The following HOXB3 variants were observed in gnomAD, a reference collection of about 807,000 sequenced individuals.
The protein encoded by HOXB3 is homeobox B3.
HOXB3 carries 17 observed loss-of-function variants against 29.2 expected under a neutral mutation model. The observed-to-expected ratio is 0.58, with a 90% CI of 0.40 to 0.87. HOXB3 has a LOEUF of 0.87. HOXB3 is among the 40% of genes least tolerant of loss of function. The pLI is 0.00. For missense variants in HOXB3, 637 were observed against 616.3 expected, an observed-to-expected ratio of 1.03 and a Z score of -0.35; for synonymous variants, 317 against 285.9, an observed-to-expected ratio of 1.11 and a Z score of -1.10.
intron 1 of HOXB3, among the ~76,000 whole-genome samples, chr17:48,585,471 C>T (rs2070029410): frequency 1.3e-5 from 2 of 152,166 alleles, no homozygotes; most frequent in Admixed American, 6.5e-5. Flanking sequence ...GGGCCCGGGG[C>T]CACCTTGCGC....
chr17:48,558,441 C>T (rs966483209), intron 2 of HOXB3, among the ~76,000 whole-genome samples: 4 of 152,092 alleles, frequency 2.6e-5, no homozygotes, highest in Non-Finnish European at 5.9e-5. Context: ...CCCCCAAATG[C>T]GGTAGGAGAT....
intron 2 of HOXB3, among the ~76,000 whole-genome samples, chr17:48,566,606 A>G (rs2069397457): frequency 1.3e-5 from 2 of 152,166 alleles, no homozygotes; most frequent in Non-Finnish European, 2.9e-5. Flanking sequence ...CTGGCTCTCC[A>G]TGCTAGCTAT....
rs2144740084 is a variant in HOXB3 at position 48,552,030 on chromosome 17, T to A, written c.445A>T (p.Thr149Ser). The A allele has an allele frequency of 1.9e-6, 3 of 1,569,766 alleles. No individual in the cohort carries two copies. The highest frequency in any genetic ancestry group is 2.6e-6 in the Non-Finnish European group (3 of 1,153,750). The change falls in exon 4 of 5, where the codon ACA becomes TCA. Residue 149 changes from threonine (T) to serine (S), a missense_variant. By Grantham distance (58) the Thr-to-Ser change is moderately conservative. Coordinates refer to ENST00000498678, the MANE Select transcript of HOXB3 (RefSeq NM_001384749.1). ...AAGGAAGGCAGAGAACTGGTACCTG[T>A]GCCGGGGGAGTTGTTTTTCAGCTTG... ...TSKLKNNSPGTAEGCGGGGGG... is the reference protein window; with the variant it reads ...TSKLKNNSPGSAEGCGGGGGG...
chr17:48,550,282 C>T lies in HOXB3; in HGVS notation c.*52G>A, dbSNP rs941273345. ...GACCTCCAGGTTGCCCCCCAGAGCTCCACAGTCTCTCTCTTCCTCCCCATC... is the reference window on the plus strand; with the variant it reads ...GACCTCCAGGTTGCCCCCCAGAGCTTCACAGTCTCTCTCTTCCTCCCCATC... On this transcript the variant is annotated 3_prime_UTR_variant, in exon 5 of 5. Coordinates refer to ENST00000498678, the MANE Select transcript of HOXB3 (RefSeq NM_001384749.1). 1.4e-5 allele frequency: 22 copies of T among 1,609,826 alleles called. No individual in the cohort carries two copies. The South Asian group carries it at 1.4e-4, about 10-fold the overall frequency.
chr17:48,551,981 C>T (rs763059816), intron 4 of HOXB3, 46 bp downstream of exon 4: 71 of 1,510,834 alleles, frequency 4.7e-5, no homozygotes, highest in Non-Finnish European at 6.1e-5. Context: ...AGTGACATTC[C>T]TGGCTCCGAC....
At chr17:48,581,676 A>G (rs2069943148) in intron 1 of HOXB3, 1 of 152,058 alleles carries the variant, frequency 6.6e-6, no homozygotes, top group Admixed American at 6.6e-5. Context: ...CTGCTGCTCT[A>G]CACTTCACAA....
Position 48,550,797 on chromosome 17 carries a change from G to C in HOXB3, c.833C>G (p.Ala278Gly). ...GTAGCTGGGGGTCATGGAGTGTAAG[G>C]CGTTCATGAAGCCGGCCGTGGACTG... The part of the protein sequence containing the change: ...PMQSTAGFMN[A>G]LHSMTPSYES... The change falls in exon 5 of 5, where the codon GCC becomes GGC. Residue 278 changes from alanine (A) to glycine (G), a missense_variant. Coordinates refer to ENST00000498678, the MANE Select transcript of HOXB3 (RefSeq NM_001384749.1). 1 of 1,613,326 alleles carries C rather than the reference G, an allele frequency of 6.2e-7. No individual in the cohort carries two copies. The highest frequency in any genetic ancestry group is 1.1e-5 in the South Asian group (1 of 91,030).
intron 1 of HOXB3, chr17:48,580,836 G>A (rs2069918892): frequency 6.6e-6 from 1 of 152,126 alleles, no homozygotes; most frequent in Non-Finnish European, 1.5e-5. Context: ...GGTTGCTGGT[G>A]GTAGGGCCAA....
rs1201407124 is a variant in HOXB3 at position 48,555,578 on chromosome 17, A to G, written c.-206T>C. Reference sequence around the variant, plus strand: ...ACAGGCAGACATAATATATATTCACATCGAGCCCCAGAGCGAGCGGCAGGC... The same window carrying G: ...ACAGGCAGACATAATATATATTCACGTCGAGCCCCAGAGCGAGCGGCAGGC... On this transcript the variant is annotated 5_prime_UTR_variant, in exon 3 of 5. The change abolishes an upstream ATG in the 5' untranslated region. Coordinates refer to ENST00000498678, the MANE Select transcript of HOXB3 (RefSeq NM_001384749.1). 4.3e-6 allele frequency: 3 copies of G among 702,624 alleles called. No individual in the cohort carries two copies. Among genetic ancestry groups the G allele is most frequent in the Non-Finnish European group, 7.8e-6 (3 of 384,766 alleles). The allele number at this position is 702,624 out of a possible 1,614,324, so 43.5% of individuals were successfully genotyped here.
At chr17:48,583,161 G>A (rs2069983452) in intron 1 of HOXB3, among the ~76,000 whole-genome samples, 1 of 152,150 alleles carries the variant, frequency 6.6e-6, no homozygotes, top group Admixed American at 6.5e-5. Context: ...CAAGATTTTG[G>A]TCCACACAAC....
intron 1 of HOXB3, chr17:48,581,417 A>G (rs1356530283): frequency 6.6e-6 from 1 of 152,274 alleles, no homozygotes; most frequent in African/African-American, 2.4e-5. Flanking sequence ...CAGGGAGACT[A>G]GAGTCTGGCC....
intron 2 of HOXB3, chr17:48,556,577 C>T (rs2069005158): frequency 1.3e-5 from 2 of 149,976 alleles, no homozygotes; most frequent in Admixed American, 1.3e-4. Flanking sequence ...AAAAAACACC[C>T]CTCCCCCTTT....
At chr17:48,568,566 G>A (rs760247100) in intron 2 of HOXB3, among the ~76,000 whole-genome samples, 6 of 151,936 alleles carry the variant, frequency 3.9e-5, no homozygotes, top group Admixed American at 2.0e-4. Flanking sequence ...ATCATTTTCC[G>A]TGAAAAATGA....
rs576238449 is a variant in HOXB3 at position 48,550,476 on chromosome 17, T to A, written c.1154A>T (p.Asp385Val). 2 of 1,610,100 alleles carry A rather than the reference T, an allele frequency of 1.2e-6. No homozygotes were observed. Among genetic ancestry groups the A allele is most frequent in the Admixed American group, 3.4e-5 (2 of 59,194 alleles). The change falls in exon 5 of 5, where the codon GAC (aspartate) becomes GTC (valine). Residue 385 changes from aspartate (D) to valine (V), a missense_variant. Physicochemically the swap from Asp to Val is radical, Grantham distance 152. Coordinates refer to ENST00000498678, the MANE Select transcript of HOXB3 (RefSeq NM_001384749.1). ...CGCCATAGGGGGCGCCCCGTTGTAG[T>A]CCAGGTTCCCGGAAGGGTGATGGGA... is the stretch of plus-strand genomic sequence containing the variant. ...HLSHHPSGNL[D>V]YNGAPPMAPS...
intron 1 of HOXB3, chr17:48,577,104 T>TTCCC: frequency 7.3e-7 from 1 of 1,362,940 alleles, no homozygotes; most frequent in Non-Finnish European, 9.9e-7. Flanking sequence ...AACACAGCGT[T>TTCCC]TCCCTCCCTC....
chr17:48,556,183 C>T (rs1472730325), intron 2 of HOXB3, among the ~76,000 whole-genome samples: 31 of 149,772 alleles, frequency 2.1e-4, no homozygotes, highest in African/African-American at 6.9e-4. Flanking sequence ...AAATTTAAAT[C>T]TAGATTGGAG....
chr17:48,573,939 A>G lies in HOXB3; in HGVS notation c.-349T>C, dbSNP rs946595339. On this transcript the variant is annotated 5_prime_UTR_variant, in exon 2 of 5. Coordinates refer to ENST00000498678, the MANE Select transcript of HOXB3 (RefSeq NM_001384749.1). Reference sequence around the variant, plus strand: ...AAAAAGTTTTCAACTTTATGGTTCCAAATTTTTTCCCCCTTGCAGATCCGG... The same window carrying G: ...AAAAAGTTTTCAACTTTATGGTTCCGAATTTTTTCCCCCTTGCAGATCCGG... 16 of 696,522 alleles carry G rather than the reference A, an allele frequency of 2.3e-5. No homozygotes were observed. In the Middle Eastern group the frequency reaches 3.5e-3, roughly 150 times the overall value. The allele number at this position is 696,522 out of a possible 1,614,324, so 43.1% of individuals were successfully genotyped here. A position where few individuals can be genotyped will look rare whatever the true frequency, so the allele number is the denominator to read the frequency against.
At chr17:48,589,013 G>A (rs1220787260) in intron 1 of HOXB3, among the ~76,000 whole-genome samples, 1 of 151,908 alleles carries the variant, frequency 6.6e-6, no homozygotes, top group African/African-American at 2.4e-5. Flanking sequence ...GAGTGACAGG[G>A]TAGTTAGCCC....
At position 48,578,419 on chromosome 17, in the gene HOXB3, A is replaced by G. The variant is rs1242670975; in HGVS notation, c.-424-4405T>C. 7 of 1,441,794 alleles carry G rather than the reference A, an allele frequency of 4.9e-6. No individual in the cohort carries two copies. The East Asian group carries it at 1.4e-4, about 29-fold the overall frequency. 89.3% of individuals were successfully genotyped at this position (1,441,794 alleles called of 1,614,324 possible). On this transcript the variant is annotated intron_variant, in intron 1 of 4. Coordinates refer to ENST00000498678, the MANE Select transcript of HOXB3 (RefSeq NM_001384749.1). Reference sequence around the variant, plus strand: ...CCCTCCTACTTACTGTCAAGTGAACAAAGTTAGGCGCCCACGTGATCCTCC... The same window carrying G: ...CCCTCCTACTTACTGTCAAGTGAACGAAGTTAGGCGCCCACGTGATCCTCC...
Sources: gnomAD v4.1 joint callset for allele counts (sites outside exome capture counted in the v4.1 genomes callset) on GRCh38, gnomAD v4.1.1 for gene constraint, MANE v1.5 for transcripts, NCBI Gene and HGNC (gene_info 2026-07-23, HGNC 2026-07-21) for gene names.